The following SEMA4D variants were observed in gnomAD, a reference collection of about 807,000 sequenced individuals.
The protein encoded by SEMA4D is semaphorin-4D.
SEMA4D carries 22 observed loss-of-function variants against 74.8 expected under a neutral mutation model. The observed-to-expected ratio is 0.29, with a 90% CI of 0.21 to 0.42. The LOEUF is 0.42. SEMA4D is among the 10% of genes least tolerant of loss of function. The pLI is 1.00. For missense variants in SEMA4D, 937 were observed against 1,118.4 expected, an observed-to-expected ratio of 0.84 and a Z score of 2.31; for synonymous variants, 445 against 463.7, an observed-to-expected ratio of 0.96 and a Z score of 0.52.
At chr9:89,398,898 T>C (rs983615893) in intron 5 of SEMA4D, among the ~76,000 whole-genome samples, 1 of 152,192 alleles carries the variant, frequency 6.6e-6, no homozygotes, top group African/African-American at 2.4e-5. Flanking sequence ...TAGCAACTCC[T>C]CCAAGCCTAA....
In SEMA4D at chr9:89,468,455, C is replaced by T. The variant is rs1299285969; in HGVS notation, c.-309-12502G>A. On this transcript the variant is annotated intron_variant, in intron 1 of 15. Transcript: ENST00000422704. The stretch of plus-strand genomic sequence containing the variant: ...CAACAGAGCGTTCAGAAGGACACAC[C>T]GTCAACTGTCTTCAGTCCCTGACTC... Among the ~76,000 whole-genome samples, 5 of 152,234 alleles carry T rather than the reference C, an allele frequency of 3.3e-5. No homozygotes were observed. The East Asian group carries it at 7.7e-4, about 24-fold the overall frequency.
chr9:89,372,325 C>T (rs1348894431), downstream of SEMA4D, among the ~76,000 whole-genome samples: 5 of 59,214 alleles, frequency 8.4e-5, no homozygotes, highest in South Asian at 1.3e-3. Flanking sequence ...GGTGTGGTGT[C>T]TGAGGTGTGT....
chr9:89,432,555 C>T (rs945326781), intron 2 of SEMA4D, among the ~76,000 whole-genome samples: 3 of 152,138 alleles, frequency 2.0e-5, no homozygotes, highest in African/African-American at 4.8e-5. Flanking sequence ...GGGCACACCC[C>T]GTGGGGATTT....
intron 2 of SEMA4D, chr9:89,450,658 A>AGG (rs1176510497): frequency 6.8e-6 from 3 of 443,524 alleles, no homozygotes; most frequent in South Asian, 2.7e-5. Context: ...CGAAAAACCC[A>AGG]GGAAAAAAAA....
chr9:89,433,046 G>A (rs1476239959), intron 2 of SEMA4D, among the ~76,000 whole-genome samples: 1 of 152,228 alleles, frequency 6.6e-6, no homozygotes, highest in Admixed American at 6.5e-5. Flanking sequence ...GCGTCTTCGG[G>A]TGTGCACAAT....
Position 89,379,392 on chromosome 9 carries a change from G to A in SEMA4D, c.1901C>T (p.Thr634Met), listed in dbSNP as rs144364633. 8 of 1,614,050 alleles carry A rather than the reference G, an allele frequency of 5.0e-6. No individual in the cohort carries two copies. Among genetic ancestry groups the A allele is most frequent in the African/African-American group, 2.7e-5 (2 of 74,928 alleles). The change falls in exon 16 of 16, where the codon ACG becomes ATG. Residue 634 changes from threonine to methionine, a missense_variant. Thr to Met is a moderately conservative substitution (Grantham distance 81, BLOSUM62 -1). Transcript: ENST00000422704. Reference protein sequence around the residue: ...CLSEERVKNKTVFQVVAKHVL... With the variant: ...CLSEERVKNKMVFQVVAKHVL... ...GTGCTTGGCGACCACTTGGAAGACC[G>A]TTTTGTTCTTAACCCTCTCCTCTGA...
At chr9:89,365,093 AC>A (rs1245536793) in intron 16 of SEMA4D, 2 of 152,238 alleles carry the variant, frequency 1.3e-5, no homozygotes, top group African/African-American at 4.8e-5. Flanking sequence ...AAAAACAAGC[AC>A]ATCCATTTTG....
intron 2 of SEMA4D, among the ~76,000 whole-genome samples, chr9:89,422,390 G>A (rs772491398): frequency 3.3e-5 from 5 of 152,348 alleles, no homozygotes; most frequent in African/African-American, 4.8e-5. Context: ...CACAGCAACC[G>A]CACAGGACGG....
intron 2 of SEMA4D, among the ~76,000 whole-genome samples, chr9:89,438,122 T>TGGAAGAG (rs1564787442): frequency 6.6e-6 from 1 of 152,136 alleles, no homozygotes; most frequent in Non-Finnish European, 1.5e-5. Context: ...GGGCTGAGTG[T>TGGAAGAG]GGAAGAGGGA....
intron 1 of SEMA4D, among the ~76,000 whole-genome samples, chr9:89,488,804 C>T (rs936346833): frequency 6.6e-6 from 1 of 152,098 alleles, no homozygotes; most frequent in Non-Finnish European, 1.5e-5. Flanking sequence ...ACCATTAAAA[C>T]AACTTAAAAC....
chr9:89,461,354 A>C (rs1857150625), intron 1 of SEMA4D, among the ~76,000 whole-genome samples: 1 of 152,144 alleles, frequency 6.6e-6, no homozygotes, highest in African/African-American at 2.4e-5. Context: ...GTTTCACCCC[A>C]TATACTCTTG....
chr9:89,391,122 C>A (rs1839773778), intron 9 of SEMA4D, 142 bp downstream of exon 9: 4 of 781,358 alleles, frequency 5.1e-6, no homozygotes, highest in Non-Finnish European at 8.2e-6. Flanking sequence ...GAAATAAGAT[C>A]CATTGAGAGC....
intron 5 of SEMA4D, among the ~76,000 whole-genome samples, chr9:89,397,927 C>A (rs1841353447): frequency 6.6e-6 from 1 of 152,094 alleles, no homozygotes; most frequent in African/African-American, 2.4e-5. Flanking sequence ...AATGAGTATT[C>A]GGCCCAGGGC....
At chr9:89,382,828 G>T (rs995350119) in intron 13 of SEMA4D, among the ~76,000 whole-genome samples, 2 of 152,198 alleles carry the variant, frequency 1.3e-5, no homozygotes, top group African/African-American at 4.8e-5. Flanking sequence ...GGTGCCCTGG[G>T]TGGCCAAGTG....
intron 2 of SEMA4D, among the ~76,000 whole-genome samples, chr9:89,424,713 C>T (rs1847742258): frequency 6.6e-6 from 1 of 151,876 alleles, no homozygotes; most frequent in South Asian, 2.1e-4. Flanking sequence ...CCCCCACTTC[C>T]CTCACACCCA....
rs1337389471 is a variant in SEMA4D, at chr9:89,377,988, G to T, written c.*716C>A. On this transcript the variant is annotated 3_prime_UTR_variant, in exon 16 of 16. Coordinates refer to ENST00000422704, the MANE Select transcript of SEMA4D (RefSeq NM_001371194.2). ...AAAGTTAAAAAAAAAAAAAGAAAAA[G>T]AAAAAAGGTGAGTGGGCTCCGGGGA... 5 of 150,250 alleles carry T rather than the reference G, an allele frequency of 3.3e-5. No individual in the cohort carries two copies. Among genetic ancestry groups the T allele is most frequent in the Non-Finnish European group, 1.5e-5 (1 of 67,402 alleles). 9.3% of individuals were successfully genotyped at this position (150,250 alleles called of 1,614,324 possible). A position where few individuals can be genotyped will look rare whatever the true frequency, so the allele number is the denominator to read the frequency against.
chr9:89,481,274 G>A (rs542323551), intron 1 of SEMA4D, among the ~76,000 whole-genome samples: 6 of 152,218 alleles, frequency 3.9e-5, no homozygotes, highest in South Asian at 4.1e-4. Flanking sequence ...AGAGACCCCC[G>A]AGGGTCCAGC....
At chr9:89,385,274 G>C (rs772153318) in intron 13 of SEMA4D, 9 of 985,230 alleles carry the variant, frequency 9.1e-6, no homozygotes, top group East Asian at 1.1e-4. Context: ...TCATTCTCAC[G>C]AATGTCCACA....
intron 2 of SEMA4D, among the ~76,000 whole-genome samples, chr9:89,413,839 C>T (rs1453478906): frequency 6.6e-6 from 1 of 152,138 alleles, no homozygotes; most frequent in Non-Finnish European, 1.5e-5. Context: ...CACATACGTG[C>T]ATGCATCTGT....
Sources: allele counts gnomAD v4.1 joint callset (sites outside exome capture counted in the v4.1 genomes callset), GRCh38; gene constraint gnomAD v4.1.1; transcripts MANE v1.5; gene names NCBI Gene and HGNC (gene_info 2026-07-23, HGNC 2026-07-21).